ERC1: variants seen among roughly 807,000 people sequenced by gnomAD.
The protein encoded by ERC1 is RAB6 interacting protein 2.
Under a neutral mutation model 132.0 loss-of-function variants are expected in ERC1, and 56 were observed. That is an observed-to-expected ratio of 0.42 (90% CI 0.34 to 0.53). The LOEUF is 0.53. Among genes scored for constraint, ERC1 ranks in the 20% least tolerant of loss-of-function variants. ERC1 has a pLI of 0.03. For synonymous variants in ERC1, 478 were observed against 476.1 expected (o/e 1.00, Z -0.05); for missense variants, 1,202 against 1,349.9 (o/e 0.89, Z 1.72).
At chr12:1,029,598 C>T (rs1967603497) in intron 2 of ERC1, among the ~76,000 whole-genome samples, 1 of 152,060 alleles carries the variant, frequency 6.6e-6, no homozygotes, top group African/African-American at 2.4e-5. Context: ...ACATTAGCTA[C>T]AGGAAATATT....
rs1298862042 is a variant in ERC1, at chr12:1,042,538, G to T, written c.669+13966G>T. 2.0e-5 allele frequency among the ~76,000 whole-genome samples: 3 copies of T among 150,740 alleles called. No homozygotes were observed. In the East Asian group the frequency reaches 5.9e-4, roughly 30 times the overall value. On this transcript the variant is annotated intron_variant, in intron 2 of 18. Coordinates refer to ENST00000360905, the MANE Select transcript of ERC1 (RefSeq NM_178040.4). ...TTTTGGAATTTTTAGTAGAGACAGGGTTTCACTATGCCAGGTCTCAAACTC... is the reference window on the plus strand; with the variant it reads ...TTTTGGAATTTTTAGTAGAGACAGGTTTTCACTATGCCAGGTCTCAAACTC...
At chr12:1,248,476 A>G (rs2076285136) in intron 13 of ERC1, among the ~76,000 whole-genome samples, 1 of 152,182 alleles carries the variant, frequency 6.6e-6, no homozygotes, top group Admixed American at 6.5e-5. Context: ...TTGAGATCTG[A>G]AAAAGCCTTA....
At chr12:1,028,881 G>C (rs1433494376) in intron 2 of ERC1, among the ~76,000 whole-genome samples, 2 of 145,314 alleles carry the variant, frequency 1.4e-5, no homozygotes, top group African/African-American at 5.1e-5. Context: ...TCTTCTGAGA[G>C]TATAATTTTG....
intron 7 of ERC1, among the ~76,000 whole-genome samples, chr12:1,139,219 C>T (rs898365240): frequency 1.3e-5 from 2 of 152,054 alleles, no homozygotes; most frequent in Non-Finnish European, 2.9e-5. Flanking sequence ...AATCTTATGC[C>T]ATTCTGCTGT....
intron 11 of ERC1, among the ~76,000 whole-genome samples, chr12:1,185,363 T>G (rs1462393953): frequency 6.6e-6 from 1 of 152,154 alleles, no homozygotes; most frequent in Non-Finnish European, 1.5e-5. Context: ...AAATGCTTAA[T>G]GCTTTTTTTT....
chr12:1,453,639 T>TA (rs1474718228), intron 18 of ERC1, among the ~76,000 whole-genome samples: 1 of 152,208 alleles, frequency 6.6e-6, no homozygotes, highest in African/African-American at 2.4e-5. Flanking sequence ...AACCTTCTCT[T>TA]ACCATTTTTT....
At chr12:1,439,112 A>G (rs963052885) in intron 17 of ERC1, among the ~76,000 whole-genome samples, 1 of 152,172 alleles carries the variant, frequency 6.6e-6, no homozygotes, top group Non-Finnish European at 1.5e-5. Flanking sequence ...TAGAGTAACT[A>G]TCTGGCACAG....
intron 18 of ERC1, among the ~76,000 whole-genome samples, chr12:1,460,782 C>A (rs1021210774): frequency 4.0e-5 from 6 of 151,084 alleles, no homozygotes; most frequent in Admixed American, 1.3e-4. Context: ...TGTATAATAG[C>A]CCCCTCCTCC....
In ERC1 at chr12:1,260,966, G is replaced by C. The variant is rs558511060; in HGVS notation, c.2488-2068G>C. Among the ~76,000 whole-genome samples, 4 of 152,278 alleles carry C rather than the reference G, an allele frequency of 2.6e-5. No individual in the cohort carries two copies. In the East Asian group the frequency reaches 7.7e-4, roughly 29 times the overall value. On this transcript the variant is annotated intron_variant, in intron 13 of 18. Transcript: ENST00000360905. ...CCAGAAATCTTTTTTAAATAAGGCT[G>C]TGAACACTGAGCTCATGGAGTACAC...
intron 15 of ERC1, among the ~76,000 whole-genome samples, chr12:1,299,575 T>C (rs2080232466): frequency 6.6e-6 from 1 of 152,152 alleles, no homozygotes; most frequent in Non-Finnish European, 1.5e-5. Context: ...TCTTAGTTTC[T>C]ACACTAAGGT....
intron 12 of ERC1, among the ~76,000 whole-genome samples, chr12:1,197,902 A>ATT (rs754046849): frequency 6.7e-6 from 1 of 148,934 alleles, no homozygotes; most frequent in Non-Finnish European, 1.5e-5. Flanking sequence ...ACTTTGGACT[A>ATT]TTTTTTTTGT....
At chr12:1,369,065 A>G (rs1487701764) in intron 15 of ERC1, among the ~76,000 whole-genome samples, 1 of 152,214 alleles carries the variant, frequency 6.6e-6, no homozygotes, top group Non-Finnish European at 1.5e-5. Flanking sequence ...TAGTAAAAAA[A>G]ATAGCATCAA....
chr12:1,443,962 T>G (rs2093233270), intron 17 of ERC1: 1 of 152,314 alleles, frequency 6.6e-6, no homozygotes, highest in African/African-American at 2.4e-5. Context: ...CAGTCACTGG[T>G]TCAGAAGAAT....
intron 15 of ERC1, among the ~76,000 whole-genome samples, chr12:1,362,510 G>GA (rs2086235715): frequency 6.6e-6 from 1 of 151,952 alleles, no homozygotes; most frequent in Non-Finnish European, 1.5e-5. Flanking sequence ...AGGACTCGAG[G>GA]AAAAAATATT....
chr12:993,678 C>T (rs1314655572), intron 1 of ERC1, among the ~76,000 whole-genome samples: 3 of 151,956 alleles, frequency 2.0e-5, no homozygotes, highest in Admixed American at 6.6e-5. Flanking sequence ...CCGAGGCAGG[C>T]GGATCATGAG....
intron 15 of ERC1, among the ~76,000 whole-genome samples, chr12:1,314,025 G>T (rs2081510445): frequency 6.6e-6 from 1 of 152,038 alleles, no homozygotes; most frequent in Admixed American, 6.6e-5. Flanking sequence ...AAAGTGTGTG[G>T]TAGTGATAAT....
At chr12:1,057,083 A>G (rs1973105332) in intron 2 of ERC1, among the ~76,000 whole-genome samples, 2 of 152,200 alleles carry the variant, frequency 1.3e-5, no homozygotes, top group Admixed American at 6.5e-5. Context: ...AAACATGGCA[A>G]ACATGGCAGA....
intron 15 of ERC1, among the ~76,000 whole-genome samples, chr12:1,296,401 C>CTTTTTTTTTTTTTTTTTTTTTTTT (rs57458560): frequency 1.3e-5 from 1 of 76,206 alleles, no homozygotes; most frequent in Non-Finnish European, 2.4e-5. Context: ...ATTGGATAGT[C>CTTTTTTTTTTTTTTTTTTTTTTTT]TTTTTTTTTT....
rs1955535137 is a variant in ERC1 at position 1,189,938 on chromosome 12, G to C, written c.2237G>C (p.Arg746Thr). 24 of 1,614,040 alleles carry C rather than the reference G, an allele frequency of 1.5e-5. No individual in the cohort carries two copies. Among genetic ancestry groups the C allele is most frequent in the Non-Finnish European group, 2.0e-5 (24 of 1,179,972 alleles). The change falls in exon 12 of 19, where the codon AGG (arginine) becomes ACG (threonine). Residue 746 changes from arginine (R) to threonine (T), a missense_variant. Physicochemically the swap from Arg to Thr is moderately conservative, Grantham distance 71. Transcript: ENST00000360905. ...RIQHLEREITRYKDESSKAQA... is the reference protein window; with the variant it reads ...RIQHLEREITTYKDESSKAQA... ...CAGCACTTGGAGAGAGAGATCACCA[G>C]GTACAAAGATGAATCTAGCAAGGCC... is the stretch of plus-strand genomic sequence containing the variant.
Sources: gnomAD v4.1 joint callset for allele counts (sites outside exome capture counted in the v4.1 genomes callset) on GRCh38, gnomAD v4.1.1 for gene constraint, MANE v1.5 for transcripts, NCBI Gene and HGNC (gene_info 2026-07-23, HGNC 2026-07-21) for gene names.